The following ARAP2 variants were observed in gnomAD, a reference collection of about 807,000 sequenced individuals.
ARAP2 encodes the protein ArfGAP with RhoGAP domain, ankyrin repeat and PH domain 2, also known as arf-GAP with Rho-GAP domain, ANK repeat and PH domain-containing protein 2.
Under a neutral mutation model 194.5 loss-of-function variants are expected in ARAP2, and 148 were observed. The observed-to-expected ratio is 0.76, with a 90% CI of 0.67 to 0.87. The LOEUF (loss-of-function observed/expected upper bound fraction) is 0.87, where lower values mean the gene tolerates loss of function less well. Among genes scored for constraint, ARAP2 ranks in the 40% least tolerant of loss-of-function variants. The pLI, the probability that ARAP2 is intolerant of heterozygous loss-of-function variation, is 0.00. For missense variants in ARAP2, 2,128 were observed against 1,989.7 expected, an observed-to-expected ratio of 1.07 and a Z score of -1.32; for synonymous variants, 695 against 683.5, an observed-to-expected ratio of 1.02 and a Z score of -0.26.
At chr4:36,238,193 T>C (rs895632874) in intron 1 of ARAP2, among the ~76,000 whole-genome samples, 2 of 152,224 alleles carry the variant, frequency 1.3e-5, no homozygotes, top group African/African-American at 4.8e-5. Context: ...TCACAGGCTC[T>C]GACCTCCTCT....
chr4:36,204,756 C>T (rs1026645500), intron 6 of ARAP2, among the ~76,000 whole-genome samples: 3 of 151,854 alleles, frequency 2.0e-5, no homozygotes, highest in Non-Finnish European at 2.9e-5. Flanking sequence ...TGTGGGAGAC[C>T]GAGGAGGGTA....
chr4:36,181,403 T>G (rs7655093), intron 8 of ARAP2, among the ~76,000 whole-genome samples: 1 of 145,748 alleles, frequency 6.9e-6, no homozygotes, highest in Non-Finnish European at 1.5e-5. Context: ...GTATAAGAAT[T>G]AAAAAAAAAA....
Position 36,222,848 on chromosome 4 carries a change from A to AT in ARAP2, c.905+5733dup, listed in dbSNP as rs778741937. 2.0e-5 allele frequency among the ~76,000 whole-genome samples: 3 copies of AT among 152,074 alleles called. No homozygotes were observed. The East Asian group carries it at 5.8e-4, about 29-fold the overall frequency. ...ATATTTTTGTTGTGGCTTTCAAACC[A>AT]TTTTTTAAATATGACTCATACTACA... On this transcript the variant is annotated intron_variant, in intron 2 of 32. Transcript: ENST00000303965.
chr4:36,124,959 C>G lies in ARAP2; in HGVS notation c.3649G>C (p.Asp1217His). 1 of 1,602,950 alleles carries G rather than the reference C, an allele frequency of 6.2e-7. No individual in the cohort carries two copies. The highest frequency in any genetic ancestry group is 1.1e-5 in the South Asian group (1 of 90,104). ...TATTTTTTAATTCTTTCCTTGTCAT[C>G]TTGCGTATCTGAAGGGGAAAAAAAA... is the stretch of plus-strand genomic sequence containing the variant. ...PYWISALDTQ[D>H]DKERIKKYGA... is the part of the protein sequence containing the mutation. Residue 1217 changes from aspartate to histidine, a missense_variant, in exon 22 of 33, where the codon GAT becomes CAT. Transcript: ENST00000303965.
At chr4:36,117,243 A>T in intron 24 of ARAP2, 108 bp from the exon 25 acceptor site, 1 of 726,030 alleles carries the variant, frequency 1.4e-6, no homozygotes, top group Non-Finnish European at 2.1e-6. Flanking sequence ...AATATTTTAT[A>T]ACAATGAAAC....
chr4:36,078,166 T>A (rs1254753495), intron 31 of ARAP2, among the ~76,000 whole-genome samples: 1 of 152,226 alleles, frequency 6.6e-6, no homozygotes, highest in East Asian at 1.9e-4. Flanking sequence ...TCAAATATGA[T>A]GAAGAGTCCT....
chr4:36,033,144 T>C (rs1180735006), intron 5 of ARAP2, among the ~76,000 whole-genome samples: 2 of 152,242 alleles, frequency 1.3e-5, no homozygotes, highest in Non-Finnish European at 2.9e-5. Context: ...TATATGCTCA[T>C]GTGTCTTAAT....
chr4:36,120,634 G>T (rs982141455), intron 23 of ARAP2, among the ~76,000 whole-genome samples: 3 of 151,488 alleles, frequency 2.0e-5, no homozygotes, highest in Non-Finnish European at 4.4e-5. Context: ...TTTGAACCAA[G>T]AAATCATCCC....
intron 20 of ARAP2, among the ~76,000 whole-genome samples, chr4:36,129,679 G>A (rs1380604990): frequency 6.6e-6 from 1 of 151,430 alleles, no homozygotes; most frequent in Admixed American, 6.6e-5. Context: ...ATACTTACTG[G>A]TCATTCCAGG....
chr4:36,243,730 G>C (rs948221043), intron 1 of ARAP2: 1 of 152,206 alleles, frequency 6.6e-6, no homozygotes, highest in African/African-American at 2.4e-5. Flanking sequence ...GTTCAGGCAG[G>C]TGGAAGCCAA....
intron 19 of ARAP2, among the ~76,000 whole-genome samples, chr4:36,141,505 A>G (rs12648835): frequency 6.6e-6 from 1 of 151,750 alleles, no homozygotes; most frequent in African/African-American, 2.4e-5. Context: ...CATGCTATGC[A>G]TATAGAGAAA....
chr4:36,053,039 A>G (rs1179741822), intron 2 of ARAP2, among the ~76,000 whole-genome samples: 1 of 151,900 alleles, frequency 6.6e-6, no homozygotes, highest in Non-Finnish European at 1.5e-5. Context: ...ATGGAGTCTC[A>G]TTTTGTTGCC....
At chr4:36,101,738 A>G (rs922621481) in intron 27 of ARAP2, among the ~76,000 whole-genome samples, 2 of 151,998 alleles carry the variant, frequency 1.3e-5, no homozygotes, top group African/African-American at 4.8e-5. Flanking sequence ...GTGGCTCACA[A>G]TTATGTGACA....
intron 8 of ARAP2, among the ~76,000 whole-genome samples, chr4:36,179,959 G>A (rs1053842058): frequency 1.3e-5 from 2 of 152,164 alleles, no homozygotes; most frequent in Admixed American, 6.5e-5. Context: ...TATTGCAGGT[G>A]TTACATAATC....
In ARAP2 at chr4:36,160,569, G is replaced by A. The variant is rs772261099; in HGVS notation, c.2332C>T (p.His778Tyr). Residue 778 changes from histidine (H) to tyrosine (Y), a missense_variant, in exon 13 of 33, where the codon CAT becomes TAT. By Grantham distance (83) the His-to-Tyr change is moderately conservative. Coordinates refer to ENST00000303965, the MANE Select transcript of ARAP2 (RefSeq NM_015230.4). ...CTCTTTTCTACTGGTGAGTCCATAT[G>A]TAATTCTTCATCCTTTTGAAGATTA... ...AGNLQKDEEL[H>Y]MDSPVEKRKN... is the part of the protein sequence containing the mutation. 6.4e-7 allele frequency: 1 copy of A among 1,552,386 alleles called. No homozygotes were observed. Among genetic ancestry groups the A allele is most frequent in the South Asian group, 1.3e-5 (1 of 79,112 alleles).
intron 19 of ARAP2, among the ~76,000 whole-genome samples, chr4:36,135,828 A>G (rs532808846): frequency 6.6e-6 from 1 of 151,816 alleles, no homozygotes; most frequent in Non-Finnish European, 1.5e-5. Flanking sequence ...AATCTTTGTA[A>G]CTATTTGCTT....
At chr4:36,046,779 C>T (rs1721906605) in exon 4 of ARAP2, 1 of 152,116 alleles carries the variant, frequency 6.6e-6, no homozygotes, top group African/African-American at 2.4e-5. Context: ...CTGTCCAGGC[C>T]AGAGTAGAGC....
At chr4:36,101,867 C>A (rs1717026434) in intron 27 of ARAP2, among the ~76,000 whole-genome samples, 2 of 152,010 alleles carry the variant, frequency 1.3e-5, no homozygotes, top group Admixed American at 6.6e-5. Flanking sequence ...ACCACCATCA[C>A]TATCAACCAC....
In ARAP2 at chr4:36,114,850, G is replaced by A. The variant is rs111925481; in HGVS notation, c.4039-563C>T. Among the ~76,000 whole-genome samples, 39 of 152,032 alleles carry A rather than the reference G, an allele frequency of 2.6e-4. No homozygotes were observed. In the East Asian group the frequency reaches 5.9e-3, roughly 23 times the overall value. ...AGTCTGCAATGCCAACCTGGGGGTC[G>A]GTTCTACGAAAGTCCCAAAGCCTGA... is the stretch of plus-strand genomic sequence containing the variant. On this transcript the variant is annotated intron_variant, in intron 25 of 32. Coordinates refer to ENST00000303965, the MANE Select transcript of ARAP2 (RefSeq NM_015230.4).
Sources: allele counts gnomAD v4.1 joint callset (sites outside exome capture counted in the v4.1 genomes callset), GRCh38; gene constraint gnomAD v4.1.1; transcripts MANE v1.5; gene names NCBI Gene and HGNC (gene_info 2026-07-23, HGNC 2026-07-21).